The following SSH2 variants were observed in gnomAD, a reference collection of about 807,000 sequenced individuals.
SSH2 encodes the protein slingshot protein phosphatase 2, also known as protein phosphatase Slingshot homolog 2.
SSH2 carries 37 observed loss-of-function variants against 135.2 expected under a neutral mutation model. The observed-to-expected ratio is 0.27, with a 90% CI of 0.21 to 0.36. SSH2 has a LOEUF of 0.36. Among genes scored for constraint, SSH2 ranks in the 10% least tolerant of loss-of-function variants. The pLI is 1.00. For missense variants in SSH2, 1,408 were observed against 1,765.3 expected (o/e 0.80, Z 3.63); for synonymous variants, 628 against 646.2 (o/e 0.97, Z 0.43).
chr17:29,906,906 T>C (rs905908916), intron 1 of SSH2, among the ~76,000 whole-genome samples: 3 of 152,246 alleles, frequency 2.0e-5, no homozygotes, highest in African/African-American at 7.2e-5. Flanking sequence ...ATTTTTACAC[T>C]GCTGGTGGGA....
At chr17:29,915,942 T>C (rs1001962014) in intron 1 of SSH2, among the ~76,000 whole-genome samples, 2 of 151,210 alleles carry the variant, frequency 1.3e-5, no homozygotes, top group African/African-American at 4.8e-5. Context: ...AACTCGTCAT[T>C]TACATTAGGT....
chr17:29,804,405 G>T (rs1311559053), intron 2 of SSH2, among the ~76,000 whole-genome samples: 1 of 152,134 alleles, frequency 6.6e-6, no homozygotes, highest in Non-Finnish European at 1.5e-5. Context: ...TGCTGAAATA[G>T]CTTTGATTCT....
intron 1 of SSH2, among the ~76,000 whole-genome samples, chr17:29,924,362 G>T (rs1482387288): frequency 6.6e-6 from 1 of 152,114 alleles, no homozygotes; most frequent in Non-Finnish European, 1.5e-5. Flanking sequence ...AAATGTATAT[G>T]TAAATTGATT....
In SSH2 at chr17:29,907,088, G is replaced by T. The variant is rs138867192; in HGVS notation, c.63+22850C>A. On this transcript the variant is annotated intron_variant, in intron 1 of 15. Coordinates refer to ENST00000540801, the MANE Select transcript of SSH2 (RefSeq NM_001282129.2). ...TATGTTGACTGCAGCACTATCCACAGTAGCAAAGACATGGAATCCATCTAA... is the reference window on the plus strand; with the variant it reads ...TATGTTGACTGCAGCACTATCCACATTAGCAAAGACATGGAATCCATCTAA... Among the ~76,000 whole-genome samples the T allele has an allele frequency of 3.8e-3, 583 of 152,274 alleles. 5 individuals are homozygous for T. Among genetic ancestry groups the T allele is most frequent in the African/African-American group, 0.013 (552 of 41,568 alleles).
rs371391787 is a variant in SSH2, at chr17:29,748,735, C to T, written c.188+45159G>A. Among the ~76,000 whole-genome samples the T allele has an allele frequency of 1.3e-4, 20 of 152,150 alleles. No individual in the cohort carries two copies. In the East Asian group the frequency reaches 2.5e-3, roughly 19 times the overall value. On this transcript the variant is annotated intron_variant, in intron 3 of 15. Coordinates refer to ENST00000540801, the MANE Select transcript of SSH2 (RefSeq NM_001282129.2). ...AAAATAAAAAATACTTGGAATAAAA[C>T]TTCTTGGTTCTAAGCTTTAAAATAC...
Position 29,650,643 on chromosome 17 carries a change from C to A in SSH2, c.1226+11G>T. ...ACAGAGATCACAACATTGTGCAGGA[C>A]TATTACTCACTTTGCTTTAGAGATG... On this transcript the variant is annotated intron_variant, in intron 13 of 15. Transcript: ENST00000540801. 1 of 1,610,044 alleles carries A rather than the reference C, an allele frequency of 6.2e-7. No individual in the cohort carries two copies.
intron 15 of SSH2, among the ~76,000 whole-genome samples, chr17:29,634,339 T>C (rs2035805882): frequency 6.6e-6 from 1 of 152,222 alleles, no homozygotes; most frequent in Non-Finnish European, 1.5e-5. Flanking sequence ...AGTCAATCTG[T>C]CACAGTTTAT....
At chr17:29,785,468 A>G (rs1046294258) in intron 3 of SSH2, among the ~76,000 whole-genome samples, 4 of 149,974 alleles carry the variant, frequency 2.7e-5, no homozygotes, top group Non-Finnish European at 4.4e-5. Context: ...TTTACAGTTA[A>G]TATGTTTGAA....
At position 29,666,966 on chromosome 17, in the gene SSH2, C is replaced by A; in HGVS notation, c.933G>T (p.Val311=). 5 of 1,614,038 alleles carry A rather than the reference C, an allele frequency of 3.1e-6. No individual in the cohort carries two copies. The highest frequency in any genetic ancestry group is 4.2e-6 in the Non-Finnish European group (5 of 1,179,960). ...EIRTELEMQM[V]CNLREFKEFI... Reference sequence around the variant, plus strand: ...ATTCCTTGAATTCCCGCAAGTTGCACACCATTTGCATTTCCAACTCTGTTC... The same window carrying A: ...ATTCCTTGAATTCCCGCAAGTTGCAAACCATTTGCATTTCCAACTCTGTTC... The change falls in exon 11 of 16, where the codon GTG becomes GTT. Residue 311 remains valine, a synonymous_variant. Transcript: ENST00000540801.
chr17:29,891,036 G>A (rs920665394), intron 1 of SSH2, among the ~76,000 whole-genome samples: 1 of 152,118 alleles, frequency 6.6e-6, no homozygotes, highest in African/African-American at 2.4e-5. Context: ...TTACAGGTGT[G>A]AGCCACCACG....
chr17:29,677,052 CT>C (rs2037751925), intron 7 of SSH2, among the ~76,000 whole-genome samples, 167 bp from the exon 8 acceptor site: 3 of 152,200 alleles, frequency 2.0e-5, no homozygotes, highest in Admixed American at 2.0e-4. Context: ...GACCAAAAAG[CT>C]TTGACAAATT....
At chr17:29,677,525 A>G (rs2151060307) in intron 7 of SSH2, 148 bp downstream of exon 7, 1 of 695,084 alleles carries the variant, frequency 1.4e-6, no homozygotes, top group South Asian at 1.7e-5. Flanking sequence ...TCCACTTTAC[A>G]AAACAGGAGT....
chr17:29,721,520 T>C (rs2039823157), intron 3 of SSH2, among the ~76,000 whole-genome samples: 2 of 152,210 alleles, frequency 1.3e-5, no homozygotes, highest in African/African-American at 2.4e-5. Flanking sequence ...TGAGGGTCTT[T>C]TGTTTTCTCA....
chr17:29,750,573 G>T (rs1024235211), intron 3 of SSH2, among the ~76,000 whole-genome samples: 14 of 151,386 alleles, frequency 9.2e-5, no homozygotes, highest in Admixed American at 6.6e-5. Flanking sequence ...TGTTGCCCAG[G>T]CTGCAGTGGC....
At chr17:29,761,876 TATATATATA>T (rs2041324184) in intron 3 of SSH2, among the ~76,000 whole-genome samples, 1 of 103,532 alleles carries the variant, frequency 9.7e-6, no homozygotes, top group African/African-American at 3.5e-5. Context: ...TGTGTGTATA[TATATATATA>T]TATTTTTTTT....
chr17:29,799,728 A>G (rs2042217366), intron 2 of SSH2, among the ~76,000 whole-genome samples: 1 of 152,250 alleles, frequency 6.6e-6, no homozygotes, highest in African/African-American at 2.4e-5. Context: ...ATAGGGCACA[A>G]GCAGCCAAAA....
At chr17:29,646,948 C>T (rs1460667447) in intron 14 of SSH2, among the ~76,000 whole-genome samples, 1 of 151,730 alleles carries the variant, frequency 6.6e-6, no homozygotes, top group Non-Finnish European at 1.5e-5. Flanking sequence ...AAGAAATACC[C>T]AAATTAGCAG....
intron 2 of SSH2, among the ~76,000 whole-genome samples, chr17:29,830,940 A>G (rs2042834095): frequency 6.6e-6 from 1 of 152,232 alleles, no homozygotes; most frequent in Non-Finnish European, 1.5e-5. Flanking sequence ...ACAATGAGAG[A>G]TGGAGGCTGA....
At chr17:29,855,244 G>A (rs745370963) in intron 1 of SSH2, among the ~76,000 whole-genome samples, 3 of 152,114 alleles carry the variant, frequency 2.0e-5, no homozygotes, top group African/African-American at 4.8e-5. Flanking sequence ...GCCCATGCCT[G>A]TAATCCCAAC....
Sources: allele counts gnomAD v4.1 joint callset (sites outside exome capture counted in the v4.1 genomes callset), GRCh38; gene constraint gnomAD v4.1.1; transcripts MANE v1.5; gene names NCBI Gene and HGNC (gene_info 2026-07-23, HGNC 2026-07-21).